Variants in SNTG2 observed in about 807,000 individuals in gnomAD.
SNTG2 encodes the protein syntrophin gamma 2.
Under a neutral mutation model 70.9 loss-of-function variants are expected in SNTG2, and 74 were observed. The ratio of observed to expected loss-of-function variants is 1.04; its 90% CI spans 0.86 to 1.27. The LOEUF (loss-of-function observed/expected upper bound fraction) is 1.27. SNTG2 is among the 50% of genes most tolerant of loss of function. The pLI, the probability that SNTG2 is intolerant of heterozygous loss-of-function variation, is 0.00. For missense variants in SNTG2, 717 were observed against 690.7 expected (o/e 1.04, Z -0.43); for synonymous variants, 278 against 273.8 (o/e 1.02, Z -0.15).
At chr2:1,020,553 A>T (rs1347514709) in intron 1 of SNTG2, among the ~76,000 whole-genome samples, 2 of 145,328 alleles carry the variant, frequency 1.4e-5, no homozygotes, top group African/African-American at 5.2e-5. Context: ...GCACTTCTCC[A>T]AATTTGTAGG....
chr2:1,130,994 T>C (rs925639406), intron 4 of SNTG2, among the ~76,000 whole-genome samples: 1 of 152,218 alleles, frequency 6.6e-6, no homozygotes, highest in Non-Finnish European at 1.5e-5. Context: ...CTTTGTTTTA[T>C]CAGGTAACAC....
chr2:1,292,201 TG>T (rs1381082548), intron 14 of SNTG2, among the ~76,000 whole-genome samples: 3 of 111,784 alleles, frequency 2.7e-5, no homozygotes, highest in Non-Finnish European at 5.8e-5. Context: ...GCAACTTTTT[TG>T]TGCAGGATTT....
intron 14 of SNTG2, among the ~76,000 whole-genome samples, chr2:1,287,202 C>G (rs1249020071): frequency 6.6e-6 from 1 of 152,184 alleles, no homozygotes; most frequent in Non-Finnish European, 1.5e-5. Context: ...TGATTGTTAT[C>G]CACATTTAAG....
chr2:1,187,687 G>C (rs1672331769), intron 8 of SNTG2, among the ~76,000 whole-genome samples: 1 of 152,104 alleles, frequency 6.6e-6, no homozygotes, highest in South Asian at 2.1e-4. Flanking sequence ...GCACCAAGAA[G>C]CAACAGGCAA....
At chr2:1,163,630 A>C (rs1051273299) in intron 6 of SNTG2, 1 of 152,334 alleles carries the variant, frequency 6.6e-6, no homozygotes, top group Non-Finnish European at 1.5e-5. Flanking sequence ...TGAGGAGGAG[A>C]GGGAGAAGAA....
chr2:986,223 C>T (rs1661318040), intron 1 of SNTG2, among the ~76,000 whole-genome samples: 1 of 152,094 alleles, frequency 6.6e-6, no homozygotes, highest in Non-Finnish European at 1.5e-5. Flanking sequence ...CCGGGATGGC[C>T]CCTGTACTCT....
chr2:1,334,612 T>C (rs927342223), intron 16 of SNTG2, among the ~76,000 whole-genome samples: 13 of 152,224 alleles, frequency 8.5e-5, no homozygotes, highest in African/African-American at 2.6e-4. Context: ...TACTCAACCA[T>C]ACAAAGGAAC....
intron 1 of SNTG2, among the ~76,000 whole-genome samples, chr2:988,813 T>G (rs1661410294): frequency 6.6e-6 from 1 of 152,328 alleles, no homozygotes; most frequent in African/African-American, 2.4e-5. Context: ...AATTGTGATT[T>G]TATGTGTATA....
chr2:1,053,967 G>A (rs1273862701), intron 1 of SNTG2, among the ~76,000 whole-genome samples: 1 of 134,908 alleles, frequency 7.4e-6, no homozygotes, highest in South Asian at 2.6e-4. Context: ...GGGAGACCTC[G>A]TGTTCCCTCC....
intron 6 of SNTG2, among the ~76,000 whole-genome samples, chr2:1,146,626 A>T (rs1369113516): frequency 1.3e-5 from 2 of 152,228 alleles, no homozygotes; most frequent in East Asian, 1.9e-4. Flanking sequence ...GAGGCTTGAC[A>T]CTTCCTGATT....
At chr2:1,245,919 T>A (rs28544096) in intron 11 of SNTG2, among the ~76,000 whole-genome samples, 1,891 of 152,144 alleles carry the variant, frequency 0.012, 34 homozygotes, top group African/African-American at 0.043. Flanking sequence ...CGTTTCATGA[T>A]GGAAAAAGAG....
Position 1,029,987 on chromosome 2 carries a change from CAG to C in SNTG2, c.73-53528_73-53527del, listed in dbSNP as rs537158082. On this transcript the variant is annotated intron_variant, in intron 1 of 16. Transcript: ENST00000308624. ...TCTCGCTAAATAGAAGCTGTTGATG[CAG>C]AGTGACTCGGCAGCCATTCCCTTTC... is the stretch of plus-strand genomic sequence containing the variant. Among the ~76,000 whole-genome samples the C allele has an allele frequency of 3.5e-4, 54 of 152,308 alleles. No individual in the cohort carries two copies. In the South Asian group the frequency reaches 3.9e-3, roughly 11 times the overall value.
At chr2:1,316,046 G>A (rs1156574155) in intron 15 of SNTG2, among the ~76,000 whole-genome samples, 1 of 152,172 alleles carries the variant, frequency 6.6e-6, no homozygotes, top group Non-Finnish European at 1.5e-5. Flanking sequence ...CTGGAGGCTG[G>A]ACTGTGGGGC....
At chr2:1,252,956 G>A (rs1677850560) in intron 12 of SNTG2, among the ~76,000 whole-genome samples, 1 of 152,102 alleles carries the variant, frequency 6.6e-6, no homozygotes, top group Admixed American at 6.5e-5. Flanking sequence ...CCTGGCACTG[G>A]TGGCAATTTG....
intron 1 of SNTG2, among the ~76,000 whole-genome samples, chr2:1,001,512 G>C (rs1659394661): frequency 6.6e-6 from 1 of 151,828 alleles, no homozygotes; most frequent in African/African-American, 2.4e-5. Context: ...TCAATTCCAT[G>C]TACAATAGCT....
chr2:1,240,255 G>T (rs1190746780), intron 11 of SNTG2, among the ~76,000 whole-genome samples: 3 of 152,172 alleles, frequency 2.0e-5, no homozygotes, highest in Admixed American at 6.5e-5. Context: ...CCAAATCCAG[G>T]CAGTTTGTTC....
chr2:1,223,725 G>T (rs1675535144), intron 9 of SNTG2, among the ~76,000 whole-genome samples: 1 of 152,188 alleles, frequency 6.6e-6, no homozygotes, highest in African/African-American at 2.4e-5. Flanking sequence ...GATGGAGAAG[G>T]TTTTAAAGGC....
chr2:1,267,195 C>T (rs925569216), intron 13 of SNTG2, among the ~76,000 whole-genome samples, 170 bp from the exon 14 acceptor site: 3 of 152,208 alleles, frequency 2.0e-5, no homozygotes, highest in Non-Finnish European at 4.4e-5. Flanking sequence ...GGACCACTTC[C>T]GCACCAGCTG....
intron 1 of SNTG2, among the ~76,000 whole-genome samples, chr2:1,061,365 C>T (rs1420769604): frequency 1.3e-5 from 2 of 152,172 alleles, no homozygotes; most frequent in Admixed American, 6.5e-5. Flanking sequence ...TCAATGGGGT[C>T]ACATTTCTGC....
Sources: allele counts gnomAD v4.1 joint callset (sites outside exome capture counted in the v4.1 genomes callset), GRCh38; gene constraint gnomAD v4.1.1; transcripts MANE v1.5; gene names NCBI Gene and HGNC (gene_info 2026-07-23, HGNC 2026-07-21).